The following ATP8B3 variants were observed in gnomAD, a reference collection of about 807,000 sequenced individuals.
ATP8B3 encodes phospholipid-transporting ATPase IK.
ATP8B3 carries 141 observed loss-of-function variants against 140.9 expected under a neutral mutation model. That is an observed-to-expected ratio of 1.00 (90% CI 0.87 to 1.15). The LOEUF (loss-of-function observed/expected upper bound fraction) is 1.15. Among genes scored for constraint, ATP8B3 ranks in the 50% most tolerant of loss-of-function variants. The pLI, the probability that ATP8B3 is intolerant of heterozygous loss-of-function variation, is 0.00. For missense variants in ATP8B3, 1,874 were observed against 1,740.6 expected (o/e 1.08, Z -1.36); for synonymous variants, 765 against 714.6 (o/e 1.07, Z -1.13).
At chr19:1,784,179 G>A (rs536880810) in intron 28 of ATP8B3, among the ~76,000 whole-genome samples, 127 of 152,142 alleles carry the variant, frequency 8.3e-4, no homozygotes, top group African/African-American at 2.9e-3. Context: ...GGTTGTTTCC[G>A]TCATCTCAAC....
chr19:1,792,136 C>G lies in ATP8B3; in HGVS notation c.2056-1G>C, dbSNP rs369198678. The G allele has an allele frequency of 2.4e-4, 372 of 1,572,936 alleles. 1 individual carries two copies. The highest frequency in any genetic ancestry group is 2.9e-4 in the Non-Finnish European group (342 of 1,166,886). On this transcript the variant is annotated splice_acceptor_variant, in intron 18 of 28. Transcript: ENST00000310127. LOFTEE classifies it high-confidence loss of function. ...TCCGCAGGGTCTCCTGGGCAAAGGC[C>G]TGGGGGCCGGGCAGGTGGAAGCTGT... is the stretch of plus-strand genomic sequence containing the variant.
chr19:1,789,491 C>G lies in ATP8B3; in HGVS notation c.2715G>C (p.Lys905Asn), dbSNP rs769539873. 3 of 1,597,992 alleles carry G rather than the reference C, an allele frequency of 1.9e-6. No homozygotes were observed. Among genetic ancestry groups the G allele is most frequent in the Non-Finnish European group, 1.7e-6 (2 of 1,179,238 alleles). ...QERAFVDLASKCQAVICCRVT... is the reference protein window; with the variant it reads ...QERAFVDLASNCQAVICCRVT... ...CGCGGCAGCAGATGACCGCCTGGCA[C>G]TTGGACGCCAGGTCCACGAAGGCGC... is the stretch of plus-strand genomic sequence containing the variant. Residue 905 changes from lysine (K) to asparagine (N), a missense_variant, in exon 23 of 29, where the codon AAG becomes AAC. Lys to Asn is a moderately conservative substitution (Grantham distance 94). This residue lies in a region of ATP8B3 where 840 missense variants were observed against 760.9 expected (regional missense o/e 1.10). Coordinates refer to ENST00000310127, the MANE Select transcript of ATP8B3 (RefSeq NM_138813.4).
rs560393995 is a variant in ATP8B3 at position 1,789,790 on chromosome 19, C to A, written c.2479-63G>T. 162 of 1,563,232 alleles carry A rather than the reference C, an allele frequency of 1.0e-4. No homozygotes were observed. In the Admixed American group the frequency reaches 1.1e-3, roughly 11 times the overall value. ...CCTCCAGGCCAGACTGGACCCTACCCGGCCCTCGGCCTCGCCAGCAGTCCC... is the reference window on the plus strand; with the variant it reads ...CCTCCAGGCCAGACTGGACCCTACCAGGCCCTCGGCCTCGCCAGCAGTCCC... On this transcript the variant is annotated intron_variant, in intron 22 of 28. Transcript: ENST00000310127.
intron 28 of ATP8B3, 149 bp downstream of exon 28, chr19:1,784,669 CG>C: frequency 8.8e-7 from 1 of 1,142,116 alleles, no homozygotes; most frequent in Non-Finnish European, 1.2e-6. Context: ...GGCGTGTGTC[CG>C]GGGCTCCGCA....
At position 1,796,005 on chromosome 19, in the gene ATP8B3, C is replaced by G. The variant is rs755266724; in HGVS notation, c.1943-18G>C. 1.4e-5 allele frequency: 22 copies of G among 1,612,796 alleles called. No homozygotes were observed. In the African/African-American group the frequency reaches 2.4e-4, roughly 18 times the overall value. On this transcript the variant is annotated intron_variant, in intron 17 of 28. Coordinates refer to ENST00000310127, the MANE Select transcript of ATP8B3 (RefSeq NM_138813.4). The stretch of plus-strand genomic sequence containing the variant: ...CTTTCGAACTGTGGGGGAACAGGCC[C>G]TGCTGCCCACAGAGGCTCCCCGTCT...
chr19:1,790,080 TG>T (rs1191680430), intron 21 of ATP8B3, 91 bp from the exon 22 acceptor site: 64 of 774,190 alleles, frequency 8.3e-5, no homozygotes, highest in Admixed American at 2.8e-4. Context: ...CCCCTTCCAC[TG>T]CCCACTCCCC....
chr19:1,792,188 C>T, intron 18 of ATP8B3, 53 bp from the exon 19 acceptor site: 4 of 1,499,834 alleles, frequency 2.7e-6, no homozygotes, highest in South Asian at 2.6e-5. Flanking sequence ...ACATCCGAGG[C>T]TCAGCCCTCC....
In ATP8B3 at chr19:1,785,565, C is replaced by G; in HGVS notation, c.3297G>C (p.Trp1099Cys). Residue 1099 changes from tryptophan (W) to cysteine (C), a missense_variant, in exon 26 of 29, where the codon TGG (tryptophan) becomes TGC (cysteine). Trp to Cys is a radical substitution (Grantham distance 215, BLOSUM62 -2). Coordinates refer to ENST00000310127, the MANE Select transcript of ATP8B3 (RefSeq NM_138813.4). ...TSLVNFFMTL[W>C]ISRDTAGPAS... The stretch of plus-strand genomic sequence containing the variant: ...CGGGTCCCGCCGTGTCGCGGCTGAT[C>G]CACAGTGTCATGAAGAAGTTGACCA... 6.2e-7 allele frequency: 1 copy of G among 1,613,046 alleles called. No individual in the cohort carries two copies. The highest frequency in any genetic ancestry group is 8.5e-7 in the Non-Finnish European group (1 of 1,179,894).
At position 1,796,661 on chromosome 19, in the gene ATP8B3, G is replaced by A. The variant is rs554308679; in HGVS notation, c.1753+50C>T. 16 of 1,576,910 alleles carry A rather than the reference G, an allele frequency of 1.0e-5. No homozygotes were observed. In the South Asian group the frequency reaches 1.0e-4, roughly 10 times the overall value. ...GAGCTGCGGGGCTGGGGACACTGCC[G>A]TGCCCCGGGGGCTGAGCGGCCTCAG... On this transcript the variant is annotated intron_variant, in intron 16 of 28. Coordinates refer to ENST00000310127, the MANE Select transcript of ATP8B3 (RefSeq NM_138813.4).
chr19:1,811,499 T>A lies in ATP8B3; in HGVS notation c.238A>T (p.Arg80Ter), dbSNP rs766670622. The change falls in exon 2 of 29, where the codon AGA becomes TGA. Residue 80 changes from arginine to a stop codon, truncating the protein, a stop_gained. Transcript: ENST00000310127. LOFTEE classifies it high-confidence loss of function. ...TGCACCCGTCCTCACCCTTCTGGTC[T>A]CCATTCATACTTCCTAGCCCGGCCA... ...QPGRARKYEW[R>*]PEGPTSMGSL... 6.2e-7 allele frequency: 1 copy of A among 1,611,808 alleles called. No individual in the cohort carries two copies. Among genetic ancestry groups the A allele is most frequent in the Non-Finnish European group, 8.5e-7 (1 of 1,179,666 alleles).
chr19:1,786,995 C>A, intron 25 of ATP8B3, 108 bp downstream of exon 25: 1 of 1,067,006 alleles, frequency 9.4e-7, no homozygotes, highest in Non-Finnish European at 1.4e-6. Context: ...AGCCCCACCC[C>A]ATGGCCTGAA....
chr19:1,783,665 G>C (rs1013840224), intron 28 of ATP8B3, among the ~76,000 whole-genome samples: 1 of 152,196 alleles, frequency 6.6e-6, no homozygotes, highest in African/African-American at 2.4e-5. Context: ...GCAAATCCAG[G>C]AGAGGTGAGC....
chr19:1,789,712 A>T lies in ATP8B3; in HGVS notation c.2494T>A (p.Ser832Thr). Residue 832 changes from serine to threonine, a missense_variant, in exon 23 of 29, where the codon TCC (serine) becomes ACC (threonine). Physicochemically the swap from Ser to Thr is moderately conservative, Grantham distance 58. Around this residue, in one of 3 missense-constraint regions of ATP8B3, gnomAD observed 840 missense variants for 760.9 expected, o/e 1.10. Coordinates refer to ENST00000310127, the MANE Select transcript of ATP8B3 (RefSeq NM_138813.4). ...NGDFLDKLLV[S>T]LRKEPRALAQ... ...AGGGCGCGCGGCTCCTTCCGCAGGGACACCAGCAGTTTGTCCTGGCCGGCG... is the reference window on the plus strand; with the variant it reads ...AGGGCGCGCGGCTCCTTCCGCAGGGTCACCAGCAGTTTGTCCTGGCCGGCG... The T allele has an allele frequency of 6.3e-7, 1 of 1,576,184 alleles. No individual in the cohort carries two copies. Among genetic ancestry groups the T allele is most frequent in the Non-Finnish European group, 8.6e-7 (1 of 1,164,334 alleles).
At chr19:1,783,857 G>A (rs2068227644) in intron 28 of ATP8B3, among the ~76,000 whole-genome samples, 1 of 151,902 alleles carries the variant, frequency 6.6e-6, no homozygotes, top group African/African-American at 2.4e-5. Context: ...TTTTTGAGGT[G>A]GGGTCTTGCT....
intron 18 of ATP8B3, among the ~76,000 whole-genome samples, chr19:1,792,546 C>T (rs1451050619): frequency 1.3e-5 from 2 of 148,778 alleles, no homozygotes; most frequent in African/African-American, 5.0e-5. Context: ...CACCACTGCA[C>T]TCCAGCCTGG....
At position 1,807,052 on chromosome 19, in the gene ATP8B3, C is replaced by T. The variant is rs1025101523; in HGVS notation, c.615+116G>A. 44 of 934,304 alleles carry T rather than the reference C, an allele frequency of 4.7e-5. No individual in the cohort carries two copies. The highest frequency in any genetic ancestry group is 7.8e-5 in the Admixed American group (4 of 51,294). 57.9% of individuals were successfully genotyped at this position (934,304 alleles called of 1,614,324 possible). A position where few individuals can be genotyped will look rare whatever the true frequency, so the allele number is the denominator to read the frequency against. On this transcript the variant is annotated intron_variant, in intron 6 of 28. Transcript: ENST00000310127. This position sits in a 1 kb window ranked among gnomAD's most constrained non-coding sequence, Gnocchi z 5.9. ...CCAGCAGCTGAGGCTCCCAGGCCCA[C>T]GTTCCCCTAATGCTCCAGGAAGCCC... is the stretch of plus-strand genomic sequence containing the variant.
At chr19:1,797,067 C>T in intron 14 of ATP8B3, 62 bp from the exon 15 acceptor site, 1 of 1,608,242 alleles carries the variant, frequency 6.2e-7, no homozygotes, top group Non-Finnish European at 8.5e-7. Context: ...GATCCCATAG[C>T]CCCTGACCCC....
Position 1,806,659 on chromosome 19 carries a change from T to C in ATP8B3, c.646A>G (p.Asn216Asp). ...GRHKSDRAINNRPCQILMGKS... is the reference protein window; with the variant it reads ...GRHKSDRAINDRPCQILMGKS... ...CCCATCAGAATCTGGCAGGGTCTGT[T>C]GTTGATGGCTCTGTCACTCTTGTGT... The change falls in exon 7 of 29, where the codon AAC becomes GAC. Residue 216 changes from asparagine (N) to aspartate (D), a missense_variant. Around this residue, in one of 3 missense-constraint regions of ATP8B3, gnomAD observed 1,032 missense variants for 963.6 expected, o/e 1.07. Transcript: ENST00000310127. This position sits in a 1 kb window ranked among gnomAD's most constrained non-coding sequence, Gnocchi z 5.6. 6.4e-7 allele frequency: 1 copy of C among 1,565,482 alleles called. No homozygotes were observed. Among genetic ancestry groups the C allele is most frequent in the South Asian group, 1.2e-5 (1 of 84,854 alleles).
In ATP8B3 at chr19:1,782,799, A is replaced by G. The variant is rs757528; in HGVS notation, c.*229T>C. ...GAAGGTGGCCTCTGCTTGGGTGACA[A>G]TGACCTCTCCTGTGCCCTTGGCAAT... On this transcript the variant is annotated 3_prime_UTR_variant, in exon 29 of 29. Coordinates refer to ENST00000310127, the MANE Select transcript of ATP8B3 (RefSeq NM_138813.4). 213,468 of 567,292 alleles carry G rather than the reference A, an allele frequency of 0.38. 41,807 individuals are homozygous for G. Among genetic ancestry groups the G allele is most frequent in the African/African-American group, 0.54 (28,666 of 53,236 alleles). 35.1% of individuals were successfully genotyped at this position (567,292 alleles called of 1,614,324 possible).
Sources: allele counts gnomAD v4.1 joint callset (sites outside exome capture counted in the v4.1 genomes callset), GRCh38; gene constraint gnomAD v4.1.1; regional missense constraint gnomAD v4.1.1; non-coding constraint Gnocchi (gnomAD v3.1); transcripts MANE v1.5; gene names NCBI Gene and HGNC (gene_info 2026-07-23, HGNC 2026-07-21).